ST8SIA5: variants seen among roughly 807,000 people sequenced by gnomAD.
ST8SIA5 encodes the protein ST8 alpha-N-acetyl-neuraminide alpha-2,8-sialyltransferase 5.
ST8SIA5 carries 24 observed loss-of-function variants against 40.2 expected under a neutral mutation model. That is an observed-to-expected ratio of 0.60 (90% CI 0.43 to 0.84). ST8SIA5 has a LOEUF of 0.84. ST8SIA5 is among the 40% of genes least tolerant of loss of function. The pLI is 0.00. For missense variants in ST8SIA5, 465 were observed against 498.5 expected (o/e 0.93, Z 0.64); for synonymous variants, 198 against 201.8 (o/e 0.98, Z 0.16).
At chr18:46,721,352 G>A in intron 1 of ST8SIA5, 2 of 1,535,920 alleles carry the variant, frequency 1.3e-6, no homozygotes, top group Admixed American at 2.0e-5. Flanking sequence ...CCTTTTGCCG[G>A]GGTCTGTACC....
chr18:46,753,576 AAAAAAAAAAAAAGAAAG>A (rs1242498058), intron 1 of ST8SIA5, among the ~76,000 whole-genome samples: 1 of 148,562 alleles, frequency 6.7e-6, no homozygotes, highest in Non-Finnish European at 1.5e-5. Flanking sequence ...CCATCTCAGA[AAAAAAAAAAAAAGAAAG>A]AAAAAGAAAA....
chr18:46,681,137 A>ATT (rs373868101), intron 6 of ST8SIA5, among the ~76,000 whole-genome samples: 1 of 144,550 alleles, frequency 6.9e-6, no homozygotes, highest in African/African-American at 2.5e-5. Context: ...ACACTTGCCT[A>ATT]TTTTTTTTTT....
intron 1 of ST8SIA5, among the ~76,000 whole-genome samples, chr18:46,721,653 T>G (rs1321339031): frequency 6.6e-6 from 1 of 152,200 alleles, no homozygotes; most frequent in Non-Finnish European, 1.5e-5. Context: ...TCTACAGTGC[T>G]CTCTGCGGTT....
chr18:46,685,485 G>A (rs2039437197), intron 5 of ST8SIA5, among the ~76,000 whole-genome samples: 1 of 152,156 alleles, frequency 6.6e-6, no homozygotes, highest in South Asian at 2.1e-4. Context: ...ACAGGGGCTG[G>A]GGTTGGACAG....
At chr18:46,714,257 G>A (rs532143051) in intron 1 of ST8SIA5, among the ~76,000 whole-genome samples, 1 of 152,308 alleles carries the variant, frequency 6.6e-6, no homozygotes, top group South Asian at 2.1e-4. Flanking sequence ...GCCTCCAGCT[G>A]CCTTAACCTT....
chr18:46,726,010 TCCTGG>T (rs1373054772), intron 1 of ST8SIA5, among the ~76,000 whole-genome samples: 593 of 47,340 alleles, frequency 0.013, 4 homozygotes, highest in East Asian at 0.036. Context: ...TATATATATA[TCCTGG>T]ATATATATAT....
At chr18:46,729,365 G>A (rs925698651) in intron 1 of ST8SIA5, among the ~76,000 whole-genome samples, 4 of 152,246 alleles carry the variant, frequency 2.6e-5, no homozygotes, top group Non-Finnish European at 4.4e-5. Flanking sequence ...CAACCAGAGT[G>A]GGGAAAGGGG....
At chr18:46,740,900 T>G (rs1329703781) in intron 1 of ST8SIA5, among the ~76,000 whole-genome samples, 1 of 152,208 alleles carries the variant, frequency 6.6e-6, no homozygotes, top group Non-Finnish European at 1.5e-5. Context: ...TCTGAGTTCT[T>G]GTTATCATCA....
chr18:46,743,436 G>A (rs745768976), intron 1 of ST8SIA5, among the ~76,000 whole-genome samples: 11 of 152,300 alleles, frequency 7.2e-5, no homozygotes, highest in Middle Eastern at 3.4e-3. Flanking sequence ...TTCAATAGCC[G>A]ATTCGATCAA....
intron 5 of ST8SIA5, among the ~76,000 whole-genome samples, chr18:46,685,517 G>A (rs2039437689): frequency 6.6e-6 from 1 of 152,088 alleles, no homozygotes; most frequent in African/African-American, 2.4e-5. Flanking sequence ...AAATATGCAG[G>A]AGTCCCTTTA....
chr18:46,690,245 G>A (rs1170576857), intron 3 of ST8SIA5, among the ~76,000 whole-genome samples: 1 of 152,182 alleles, frequency 6.6e-6, no homozygotes, highest in South Asian at 2.1e-4. Flanking sequence ...GCCTGTTACA[G>A]GATTCATTTC....
chr18:46,683,616 T>TTTA (rs1233866418), intron 5 of ST8SIA5, among the ~76,000 whole-genome samples: 1 of 151,978 alleles, frequency 6.6e-6, no homozygotes, highest in Non-Finnish European at 1.5e-5. Context: ...GTTTAAGGAA[T>TTTA]AATTGTGCAG....
In ST8SIA5 at chr18:46,677,474, C is replaced by T. The variant is rs754171614; in HGVS notation, c.*2568G>A. Reference sequence around the variant, plus strand: ...AGTGCTTAACGTAGCTTGATAAATGCTAGCTAGTATAATGAGAAATATTAA... The same window carrying T: ...AGTGCTTAACGTAGCTTGATAAATGTTAGCTAGTATAATGAGAAATATTAA... On this transcript the variant is annotated 3_prime_UTR_variant, in exon 7 of 7. Transcript: ENST00000315087. 2 of 152,196 alleles carry T rather than the reference C, an allele frequency of 1.3e-5. No individual in the cohort carries two copies. Among genetic ancestry groups the T allele is most frequent in the Non-Finnish European group, 2.9e-5 (2 of 68,038 alleles). 9.4% of individuals were successfully genotyped at this position (152,196 alleles called of 1,614,324 possible). A position where few individuals can be genotyped will look rare whatever the true frequency, so the allele number is the denominator to read the frequency against.
At chr18:46,712,088 C>T (rs1364489358) in intron 1 of ST8SIA5, among the ~76,000 whole-genome samples, 5 of 152,172 alleles carry the variant, frequency 3.3e-5, no homozygotes, top group East Asian at 1.9e-4. Flanking sequence ...TTCCCCACCC[C>T]GGAGTTCTGC....
intron 5 of ST8SIA5, chr18:46,685,782 C>G (rs1180262583): frequency 4.8e-6 from 1 of 208,510 alleles, no homozygotes; most frequent in Non-Finnish European, 9.9e-6. Flanking sequence ...TTAGTTAAAG[C>G]CAGGGTGAAG....
At chr18:46,722,075 C>G (rs1308914938) in intron 1 of ST8SIA5, among the ~76,000 whole-genome samples, 2 of 152,200 alleles carry the variant, frequency 1.3e-5, no homozygotes, top group Non-Finnish European at 2.9e-5. Flanking sequence ...GGTCATGGAC[C>G]TCCACCAGAC....
intron 1 of ST8SIA5, among the ~76,000 whole-genome samples, chr18:46,739,465 C>T (rs1053341768): frequency 3.9e-5 from 6 of 152,108 alleles, no homozygotes; most frequent in Admixed American, 3.3e-4. Context: ...ACCCGGGAGG[C>T]GGAGGTTGCA....
intron 3 of ST8SIA5, chr18:46,691,329 T>C (rs1889070720): frequency 6.6e-6 from 1 of 152,208 alleles, no homozygotes; most frequent in African/African-American, 2.4e-5. Context: ...TGCAGCAAAT[T>C]GGAACAAATG....
chr18:46,710,363 TTTTCTTTCTTTCTTTC>T (rs71162817), intron 1 of ST8SIA5, among the ~76,000 whole-genome samples: 12,082 of 114,374 alleles, frequency 0.11, 614 homozygotes, highest in Admixed American at 0.15. Flanking sequence ...TCCTTCTTTC[TTTTCTTTCTTTCTTTC>T]TTTCTTTCTT....
Sources: gnomAD v4.1 joint callset for allele counts (sites outside exome capture counted in the v4.1 genomes callset) on GRCh38, gnomAD v4.1.1 for gene constraint, MANE v1.5 for transcripts, NCBI Gene and HGNC (gene_info 2026-07-23, HGNC 2026-07-21) for gene names.